ACAP1: variants seen among roughly 807,000 people sequenced by gnomAD.
ACAP1 encodes ArfGAP with coiled-coil, ankyrin repeat and PH domains 1, also known as arf-GAP with coiled-coil, ANK repeat and PH domain-containing protein 1.
A neutral mutation model predicts 98.8 loss-of-function variants in ACAP1; 45 were observed. The ratio of observed to expected loss-of-function variants is 0.46; its 90% CI spans 0.36 to 0.58. ACAP1 has a LOEUF of 0.58. Ranked by LOEUF, ACAP1 falls within the 20% of genes least tolerant of loss-of-function variation. The pLI, the probability that ACAP1 is intolerant of heterozygous loss-of-function variation, is 0.00. For synonymous variants in ACAP1, 362 were observed against 375.3 expected, an observed-to-expected ratio of 0.96 and a Z score of 0.41; for missense variants, 735 against 971.4, an observed-to-expected ratio of 0.76 and a Z score of 3.24.
intron 2 of ACAP1, 120 bp from the exon 3 acceptor site, chr17:7,341,828 G>A (rs2073282613): frequency 7.0e-7 from 1 of 1,434,080 alleles, no homozygotes; most frequent in South Asian, 1.3e-5. Context: ...GGGCAGTGAG[G>A]CCAGGCAGGA....
Position 7,337,293 on chromosome 17 carries a change from A to G in ACAP1, c.54-19A>G, listed in dbSNP as rs773687351. On this transcript the variant is annotated intron_variant, in intron 1 of 21. Coordinates refer to ENST00000158762, the MANE Select transcript of ACAP1 (RefSeq NM_014716.4). ...CCAGATGGACCCAAGCTCTCTTCCC[A>G]TGACCCCCTCTTTCCCAGAGCCTCT... 4.0e-5 allele frequency: 64 copies of G among 1,613,162 alleles called. No individual in the cohort carries two copies. Among genetic ancestry groups the G allele is most frequent in the Non-Finnish European group, 4.5e-5 (53 of 1,179,532 alleles).
chr17:7,346,913 C>T lies in ACAP1; in HGVS notation c.1113C>T (p.Ser371=), dbSNP rs1233286494. 6.2e-7 allele frequency: 1 copy of T among 1,611,498 alleles called. No individual in the cohort carries two copies. Among genetic ancestry groups the T allele is most frequent in the Non-Finnish European group, 8.5e-7 (1 of 1,178,174 alleles). Residue 371 remains serine (S), a synonymous_variant, in exon 13 of 22, where the codon AGC becomes AGT. Transcript: ENST00000158762. ...TCAGTCAGGCTCGCCTTGATGACAG[C>T]CCCCGGGGTCCAGGCCAGGTACCTT... The part of the protein sequence containing the change: ...SAFSQARLDD[S]PRGPGQGSGH...
At chr17:7,341,774 C>T (rs145868524) in intron 2 of ACAP1, among the ~76,000 whole-genome samples, 174 bp from the exon 3 acceptor site, 149 of 152,306 alleles carry the variant, frequency 9.8e-4, no homozygotes, top group African/African-American at 3.4e-3. Context: ...GATAAGAACA[C>T]AGCAGGTATG....
intron 1 of ACAP1, 181 bp from the exon 2 acceptor site, chr17:7,337,131 C>T: frequency 1.5e-6 from 1 of 689,426 alleles, no homozygotes; most frequent in South Asian, 1.7e-5. Flanking sequence ...CTGCTCTGGC[C>T]TGGGCTGTGG....
In ACAP1 at chr17:7,351,432, C is replaced by A. The variant is rs1376421849; in HGVS notation, c.*37C>A. On this transcript the variant is annotated 3_prime_UTR_variant, in exon 22 of 22. Coordinates refer to ENST00000158762, the MANE Select transcript of ACAP1 (RefSeq NM_014716.4). ...CGGGGCCCGCGCCTGCCTCCCTTCC[C>A]CGCCACCGGGCCCTCTGCCATTAAA... 2.0e-6 allele frequency: 3 copies of A among 1,487,130 alleles called. No individual in the cohort carries two copies. Among genetic ancestry groups the A allele is most frequent in the Middle Eastern group, 1.7e-4 (1 of 5,718 alleles). The allele number at this position is 1,487,130 out of a possible 1,614,324, so 92.1% of individuals were successfully genotyped here.
chr17:7,342,533 A>G (rs2073296476), intron 5 of ACAP1, 59 bp downstream of exon 5: 2 of 1,570,356 alleles, frequency 1.3e-6, no homozygotes, highest in Non-Finnish European at 1.8e-6. Flanking sequence ...TGGAAGGCCA[A>G]GGCGGGAGGA....
In ACAP1 at chr17:7,344,740, C is replaced by G. The variant is rs539151581; in HGVS notation, c.854+92C>G. Reference sequence around the variant, plus strand: ...ACTAAGCACTGCAAGGAAAAACAGACGAACCCCCCTGCCTCAGTAGAGTTT... The same window carrying G: ...ACTAAGCACTGCAAGGAAAAACAGAGGAACCCCCCTGCCTCAGTAGAGTTT... On this transcript the variant is annotated intron_variant, in intron 10 of 21. Coordinates refer to ENST00000158762, the MANE Select transcript of ACAP1 (RefSeq NM_014716.4). This position sits in a 1 kb window ranked among gnomAD's most constrained non-coding sequence, Gnocchi z 4.9. 3.5e-6 allele frequency: 3 copies of G among 867,614 alleles called. No homozygotes were observed. In the African/African-American group the frequency reaches 5.0e-5, roughly 15 times the overall value. The allele number at this position is 867,614 out of a possible 1,614,324, so 53.7% of individuals were successfully genotyped here.
chr17:7,342,614 A>C, intron 5 of ACAP1, 140 bp downstream of exon 5: 3 of 999,282 alleles, frequency 3.0e-6, no homozygotes, highest in Middle Eastern at 2.9e-4. Context: ...AAATACAAAA[A>C]TTAGGCCGGG....
intron 18 of ACAP1, chr17:7,349,394 T>G: frequency 2.0e-6 from 1 of 498,406 alleles, no homozygotes; most frequent in South Asian, 2.9e-5. Context: ...TTTTTTTTTT[T>G]TGAGACAGTC....
intron 4 of ACAP1, 38 bp from the exon 5 acceptor site, chr17:7,342,378 G>A: frequency 1.9e-6 from 3 of 1,613,644 alleles, no homozygotes; most frequent in Middle Eastern, 3.3e-4. Flanking sequence ...GGTCACCTGT[G>A]GTCCTGACCC....
At chr17:7,337,149 C>G in intron 1 of ACAP1, 163 bp from the exon 2 acceptor site, 1 of 723,978 alleles carries the variant, frequency 1.4e-6, no homozygotes. Flanking sequence ...TGGTAGCTCC[C>G]AGACTGCAGA....
In ACAP1 at chr17:7,346,657, GGA is replaced by G. The variant is rs1393375578; in HGVS notation, c.1008-150_1008-149del. On this transcript the variant is annotated intron_variant, in intron 12 of 21. Transcript: ENST00000158762. ...GTGGAAGAGGGTACAGGGTGATGGGGGATATTTAGGAGAATATTACCAACTGG... is the reference window on the plus strand; with the variant it reads ...GTGGAAGAGGGTACAGGGTGATGGGGTATTTAGGAGAATATTACCAACTGG... The G allele has an allele frequency of 6.3e-5, 71 of 1,130,424 alleles. No homozygotes were observed. The East Asian group carries it at 1.4e-3, about 22-fold the overall frequency. 70.0% of individuals were successfully genotyped at this position (1,130,424 alleles called of 1,614,324 possible).
chr17:7,348,364 C>T lies in ACAP1; in HGVS notation c.1567C>T (p.Leu523=). The change falls in exon 17 of 22, where the codon CTG becomes TTG. Residue 523 remains leucine (L), a synonymous_variant. Coordinates refer to ENST00000158762, the MANE Select transcript of ACAP1 (RefSeq NM_014716.4). Reference sequence around the variant, plus strand: ...CGTGGAGAAGAAGTTCCTGACCAAGCTGCCTGAGATTCGAGGGCGAAGAGG... The same window carrying T: ...CGTGGAGAAGAAGTTCCTGACCAAGTTGCCTGAGATTCGAGGGCGAAGAGG... ...KYVEKKFLTK[L]PEIRGRRGGR... is the part of the protein sequence containing the mutation. 6.3e-7 allele frequency: 1 copy of T among 1,575,272 alleles called. No individual in the cohort carries two copies. Among genetic ancestry groups the T allele is most frequent in the Non-Finnish European group, 8.6e-7 (1 of 1,158,528 alleles).
intron 2 of ACAP1, among the ~76,000 whole-genome samples, chr17:7,341,206 A>G (rs929879630): frequency 2.6e-5 from 4 of 152,240 alleles, no homozygotes; most frequent in Non-Finnish European, 5.9e-5. Context: ...GCTGGAGTGC[A>G]GTAGCGCCAT....
intron 1 of ACAP1, 152 bp downstream of exon 1, chr17:7,336,939 A>C: frequency 1.3e-6 from 1 of 785,928 alleles, no homozygotes; most frequent in Non-Finnish European, 2.1e-6. Flanking sequence ...CCAGCTGTGA[A>C]AGCAGGGTAC....
At chr17:7,345,664 T>C (rs769146302) in intron 10 of ACAP1, 2 of 152,212 alleles carry the variant, frequency 1.3e-5, no homozygotes, top group Non-Finnish European at 1.5e-5. Context: ...TTCTTTTTTT[T>C]TCTTTTTTGA....
chr17:7,339,471 G>T (rs998238039), intron 2 of ACAP1, among the ~76,000 whole-genome samples: 1 of 151,970 alleles, frequency 6.6e-6, no homozygotes, highest in Admixed American at 6.6e-5. Context: ...TTAGCCAGGC[G>T]TGGTGGCACG....
chr17:7,344,798 G>A lies in ACAP1; in HGVS notation c.854+150G>A. On this transcript the variant is annotated intron_variant, in intron 10 of 21. Transcript: ENST00000158762. This position sits in a 1 kb window ranked among gnomAD's most constrained non-coding sequence, Gnocchi z 4.9. ...TCAGCAAAGACAGAGGATAAACCTA[G>A]TATGTAAATTACGTGCTATGTTAGA... The A allele has an allele frequency of 1.6e-6, 1 of 624,298 alleles. No homozygotes were observed. Among genetic ancestry groups the A allele is most frequent in the Admixed American group, 2.8e-5 (1 of 36,042 alleles). 38.7% of individuals were successfully genotyped at this position (624,298 alleles called of 1,614,324 possible).
At chr17:7,347,470 C>T in intron 14 of ACAP1, 2 of 534,736 alleles carry the variant, frequency 3.7e-6, no homozygotes, top group East Asian at 6.2e-5. Flanking sequence ...GGGGGATACC[C>T]AGAATTTGTT....
Sources: gnomAD v4.1 joint callset for allele counts (sites outside exome capture counted in the v4.1 genomes callset) on GRCh38, gnomAD v4.1.1 for gene constraint, Gnocchi (gnomAD v3.1) non-coding constraint, MANE v1.5 for transcripts, NCBI Gene and HGNC (gene_info 2026-07-23, HGNC 2026-07-21) for gene names.